DGLUCY: variants seen among roughly 807,000 people sequenced by gnomAD.
DGLUCY encodes D-glutamate cyclase.
In DGLUCY, 58 loss-of-function variants were observed where a neutral mutation model predicts 58.5. The observed-to-expected ratio is 0.99, with a 90% CI of 0.80 to 1.23. The LOEUF (loss-of-function observed/expected upper bound fraction) is 1.23. Among genes scored for constraint, DGLUCY ranks in the 50% most tolerant of loss-of-function variants. The pLI is 0.00. For missense variants in DGLUCY, 779 were observed against 784.7 expected (o/e 0.99, Z 0.09); for synonymous variants, 325 against 314.1 (o/e 1.03, Z -0.37).
At chr14:91,202,987 G>A (rs2140615028) in intron 11 of DGLUCY, among the ~76,000 whole-genome samples, 1 of 152,318 alleles carries the variant, frequency 6.6e-6, no homozygotes, top group Non-Finnish European at 1.5e-5. Context: ...ATGGGCAACT[G>A]CCATGTCATG....
chr14:91,179,822 C>A (rs1008809662), intron 7 of DGLUCY, among the ~76,000 whole-genome samples: 1 of 149,446 alleles, frequency 6.7e-6, no homozygotes, highest in Non-Finnish European at 1.5e-5. Context: ...AAGCACTTTG[C>A]TGAACACTTT....
intron 1 of DGLUCY, among the ~76,000 whole-genome samples, chr14:91,120,226 C>T (rs1052295844): frequency 5.3e-5 from 8 of 152,134 alleles, no homozygotes; most frequent in Non-Finnish European, 1.2e-4. Context: ...AGGTGTCCTT[C>T]CTGACTTCTG....
intron 1 of DGLUCY, among the ~76,000 whole-genome samples, chr14:91,130,166 C>T (rs2045949766): frequency 1.3e-5 from 2 of 152,192 alleles, no homozygotes; most frequent in Non-Finnish European, 2.9e-5. Context: ...CCTTGCACTA[C>T]AAGTCAGTAA....
intron 6 of DGLUCY, among the ~76,000 whole-genome samples, chr14:91,174,498 G>A (rs1002076178): frequency 4.6e-5 from 7 of 152,022 alleles, no homozygotes; most frequent in African/African-American, 9.7e-5. Context: ...TAGAGATGGG[G>A]TTTTGCCATG....
intron 9 of DGLUCY, among the ~76,000 whole-genome samples, chr14:91,193,348 A>G (rs2050018476): frequency 6.6e-6 from 1 of 152,124 alleles, no homozygotes; most frequent in Non-Finnish European, 1.5e-5. Flanking sequence ...TGCTCACCTG[A>G]CAGCCTGGCT....
chr14:91,072,487 T>G (rs2043938701), intron 1 of DGLUCY, among the ~76,000 whole-genome samples: 1 of 152,154 alleles, frequency 6.6e-6, no homozygotes, highest in South Asian at 2.1e-4. Flanking sequence ...TATTTCTATT[T>G]TACTTAATTT....
intron 9 of DGLUCY, among the ~76,000 whole-genome samples, chr14:91,193,425 G>A (rs17224411): frequency 0.22 from 34,119 of 152,126 alleles, 4,111 homozygotes; most frequent in Non-Finnish European, 0.27. Context: ...AGCTCAGAGG[G>A]TAGAATTTGC....
chr14:91,111,202 ATGTGTGTG>A (rs71120113), upstream of DGLUCY, among the ~76,000 whole-genome samples: 8 of 46,340 alleles, frequency 1.7e-4, no homozygotes, highest in Non-Finnish European at 3.3e-4. Flanking sequence ...ATTTATATAT[ATGTGTGTG>A]TGTGTGTGTG....
chr14:91,219,578 CAG>C (rs1429206242), intron 13 of DGLUCY, among the ~76,000 whole-genome samples: 3 of 152,280 alleles, frequency 2.0e-5, no homozygotes, highest in South Asian at 2.1e-4. Context: ...CATCTGGGGA[CAG>C]GGGTTCTTAA....
chr14:91,189,284 G>A (rs1444813034), intron 9 of DGLUCY, 114 bp downstream of exon 9: 29 of 1,344,026 alleles, frequency 2.2e-5, no homozygotes, highest in African/African-American at 2.9e-5. Context: ...GAACAACTCC[G>A]TTGTAAGCTG....
chr14:91,199,696 C>A, intron 10 of DGLUCY, 61 bp from the exon 11 acceptor site: 1 of 1,573,918 alleles, frequency 6.4e-7, no homozygotes, highest in Non-Finnish European at 8.7e-7. Flanking sequence ...GAAGGCATGA[C>A]CCAGCAAAGC....
chr14:91,121,933 C>T (rs566333619), intron 1 of DGLUCY, among the ~76,000 whole-genome samples: 5 of 152,244 alleles, frequency 3.3e-5, no homozygotes, highest in African/African-American at 1.2e-4. Context: ...CTGTTTATTC[C>T]CATCATCTAA....
chr14:91,109,398 C>T (rs1012390246), upstream of DGLUCY, among the ~76,000 whole-genome samples: 1 of 152,126 alleles, frequency 6.6e-6, no homozygotes, highest in Non-Finnish European at 1.5e-5. Context: ...GGGCCTGGCA[C>T]TGTCAAGGAG....
intron 1 of DGLUCY, among the ~76,000 whole-genome samples, chr14:91,150,548 C>A (rs1034805148): frequency 7.2e-5 from 11 of 152,096 alleles, no homozygotes; most frequent in East Asian, 5.8e-4. Flanking sequence ...CTCAAGCAAT[C>A]CTCCTGCCTC....
At chr14:91,060,436 T>G in exon 1 of DGLUCY, 1 of 1,471,448 alleles carries the variant, frequency 6.8e-7, no homozygotes, top group South Asian at 1.4e-5. Flanking sequence ...CTCCTCCATC[T>G]TCTCCTTTTT....
At chr14:91,071,174 T>G (rs1461542815) in intron 1 of DGLUCY, among the ~76,000 whole-genome samples, 3 of 147,860 alleles carry the variant, frequency 2.0e-5, no homozygotes, top group Non-Finnish European at 4.5e-5. Context: ...CTACTAAAAA[T>G]ACAAAAAAAA....
At chr14:91,087,220 G>A (rs533459134) in intron 1 of DGLUCY, among the ~76,000 whole-genome samples, 6 of 152,254 alleles carry the variant, frequency 3.9e-5, no homozygotes, top group South Asian at 2.1e-4. Flanking sequence ...GCCTAGAATC[G>A]AATCAGACAT....
intron 13 of DGLUCY, 26 bp from the exon 14 acceptor site, chr14:91,224,658 T>C: frequency 1.9e-6 from 3 of 1,574,506 alleles, no homozygotes; most frequent in Non-Finnish European, 2.6e-6. Context: ...CTCCACTCCT[T>C]CTATTTCTGC....
At chr14:91,222,213 A>G (rs1887620683) in intron 13 of DGLUCY, among the ~76,000 whole-genome samples, 1 of 152,128 alleles carries the variant, frequency 6.6e-6, no homozygotes, top group East Asian at 1.9e-4. Flanking sequence ...TGATTCTTGG[A>G]AATTTGCAGG....
Sources: gnomAD v4.1 joint callset for allele counts (sites outside exome capture counted in the v4.1 genomes callset) on GRCh38, gnomAD v4.1.1 for gene constraint, MANE v1.5 for transcripts, NCBI Gene and HGNC (gene_info 2026-07-23, HGNC 2026-07-21) for gene names.